The following GPR153 variants were observed in gnomAD, a reference collection of about 807,000 sequenced individuals.
The protein encoded by GPR153 is probable G protein-coupled receptor 153.
A neutral mutation model predicts 34.1 loss-of-function variants in GPR153; 27 were observed. That is an observed-to-expected ratio of 0.79 (90% CI 0.58 to 1.09). The LOEUF is 1.09. Among genes scored for constraint, GPR153 ranks in the 50% least tolerant of loss-of-function variants. The pLI is 0.00. For synonymous variants in GPR153, 408 were observed against 405.4 expected (o/e 1.01, Z -0.08); for missense variants, 848 against 860.2 (o/e 0.99, Z 0.18).
Position 6,253,740 on chromosome 1 carries a change from C to A in GPR153, c.764G>T (p.Cys255Phe). 1 of 1,524,740 alleles carries A rather than the reference C, an allele frequency of 6.6e-7. No individual in the cohort carries two copies. Among genetic ancestry groups the A allele is most frequent in the Non-Finnish European group, 8.8e-7 (1 of 1,136,018 alleles). 94.5% of individuals were successfully genotyped at this position (1,524,740 alleles called of 1,614,324 possible). A position where few individuals can be genotyped will look rare whatever the true frequency, so the allele number is the denominator to read the frequency against. ...LVTTIVFIYD[C>F]LMGFPVLVVS... ...CACCAGCACAGGGAAGCCCATGAGGCAGTCGTAGATGAAGACTATGGTGGT... is the reference window on the plus strand; with the variant it reads ...CACCAGCACAGGGAAGCCCATGAGGAAGTCGTAGATGAAGACTATGGTGGT... Residue 255 changes from cysteine to phenylalanine, a missense_variant, in exon 3 of 6, where the codon TGC becomes TTC. By Grantham distance (205) the Cys-to-Phe change is radical. Transcript: ENST00000377893.
rs1258974696 is a variant in GPR153, at chr1:6,249,320, G to A, written c.*18C>T. The A allele has an allele frequency of 1.6e-6, 2 of 1,264,944 alleles. No homozygotes were observed. The highest frequency in any genetic ancestry group is 2.0e-6 in the Non-Finnish European group (2 of 1,005,904). The allele number at this position is 1,264,944 out of a possible 1,614,324, so 78.4% of individuals were successfully genotyped here. On this transcript the variant is annotated 3_prime_UTR_variant, in exon 6 of 6. Coordinates refer to ENST00000377893, the MANE Select transcript of GPR153 (RefSeq NM_207370.4). This position sits in a 1 kb window ranked among gnomAD's most constrained non-coding sequence, Gnocchi z 4.3. ...GCGGCCTGGCCTGCCTGGCGTCCGT[G>A]GGGAGGCGCCGGCGGTCCTAGGACG...
rs1003825293 is a variant in GPR153, at chr1:6,249,007, T to A, written c.*331A>T. On this transcript the variant is annotated 3_prime_UTR_variant, in exon 6 of 6. Transcript: ENST00000377893. The surrounding 1 kb of genome is among the most constrained non-coding windows in gnomAD (Gnocchi z 4.3). ...TGTCTCAGGTTCCCTGCTCCCGACG[T>A]CCTGTTGCGCAGGGCTGGTGATGGC... The A allele has an allele frequency of 4.4e-6, 1 of 226,212 alleles. No homozygotes were observed. Among genetic ancestry groups the A allele is most frequent in the African/African-American group, 2.3e-5 (1 of 44,032 alleles). The allele number at this position is 226,212 out of a possible 1,614,324, so 14.0% of individuals were successfully genotyped here. A position where few individuals can be genotyped will look rare whatever the true frequency, so the allele number is the denominator to read the frequency against.
Position 6,249,580 on chromosome 1 carries a change from C to G in GPR153, c.1588G>C (p.Asp530His). The G allele has an allele frequency of 2.6e-6, 3 of 1,169,254 alleles. No homozygotes were observed. Among genetic ancestry groups the G allele is most frequent in the Non-Finnish European group, 3.2e-6 (3 of 948,152 alleles). 72.4% of individuals were successfully genotyped at this position (1,169,254 alleles called of 1,614,324 possible). Residue 530 changes from aspartate (D) to histidine (H), a missense_variant, in exon 6 of 6, where the codon GAC becomes CAC. Asp to His is a moderately conservative substitution (Grantham distance 81, BLOSUM62 -1). Transcript: ENST00000377893. This position sits in a 1 kb window ranked among gnomAD's most constrained non-coding sequence, Gnocchi z 4.3. The part of the protein sequence containing the change: ...GPFPAAPAAP[D>H]GADPGEAPTP... ...GGGGCCTCTCCGGGATCTGCGCCGT[C>G]GGGGGCGGCGGGCGCAGCGGGGAAG...
Position 6,253,838 on chromosome 1 carries a change from C to A in GPR153, c.666G>T (p.Ala222=). 1.9e-6 allele frequency: 3 copies of A among 1,601,264 alleles called. No homozygotes were observed. The highest frequency in any genetic ancestry group is 2.6e-6 in the Non-Finnish European group (3 of 1,171,654). Residue 222 remains alanine (A), a synonymous_variant, in exon 3 of 6, where the codon GCG becomes GCT. Transcript: ENST00000377893. The stretch of plus-strand genomic sequence containing the variant: ...CGATGGAGGAGCGCCGCTTGCCCTG[C>A]GCGTCCTCCACCACGATGGTGGGCA... ...FTVPTIVVED[A]QGKRRSSIDG...
intron 1 of GPR153, 90 bp from the exon 2 acceptor site, chr1:6,255,104 G>A (rs1483986341): frequency 2.8e-5 from 13 of 462,998 alleles, no homozygotes; most frequent in Admixed American, 2.3e-4. Flanking sequence ...GATGGCGAGC[G>A]CTACACTTTG....
At chr1:6,260,388 C>CG (rs1445908544) in intron 1 of GPR153, among the ~76,000 whole-genome samples, 2,242 of 143,142 alleles carry the variant, frequency 0.016, 136 homozygotes, top group African/African-American at 0.045. Flanking sequence ...CCCCCCCCCC[C>CG]CCGCAATCCC....
At position 6,249,445 on chromosome 1, in the gene GPR153, GCC is replaced by G; in HGVS notation, c.1721_1722del (p.Gly574AlafsTer131). ...GLSASWGEPGGLRAAGGGGST... is the reference protein window; with the variant it reads ...GLSASWGEPGXLRAAGGGGST... ...CTGCCGCCGCCGCCCGCCGCGCGCA[GCC>G]CCCCGGGCTCGCCCCACGACGCGCT... On this transcript the variant is annotated frameshift_variant, in exon 6 of 6. Coordinates refer to ENST00000377893, the MANE Select transcript of GPR153 (RefSeq NM_207370.4). LOFTEE classifies it high-confidence loss of function. This position sits in a 1 kb window ranked among gnomAD's most constrained non-coding sequence, Gnocchi z 4.3. 1 of 1,356,496 alleles carries G rather than the reference GCC, an allele frequency of 7.4e-7. No homozygotes were observed. The highest frequency in any genetic ancestry group is 9.4e-7 in the Non-Finnish European group (1 of 1,059,184). 84.0% of individuals were successfully genotyped at this position (1,356,496 alleles called of 1,614,324 possible). A position where few individuals can be genotyped will look rare whatever the true frequency, so the allele number is the denominator to read the frequency against.
In GPR153 at chr1:6,251,385, C is replaced by G; in HGVS notation, c.932G>C (p.Arg311Pro). The change falls in exon 4 of 6, where the codon CGG becomes CCG. Residue 311 changes from arginine to proline, a missense_variant. Arg to Pro is a moderately radical substitution (Grantham distance 103, BLOSUM62 -2). Coordinates refer to ENST00000377893, the MANE Select transcript of GPR153 (RefSeq NM_207370.4). This position sits in a 1 kb window ranked among gnomAD's most constrained non-coding sequence, Gnocchi z 4.9. ...GGCCATGAGGGCCATGCACTTCTCC[C>G]GGACAGCTTTGAGGTCAGCCCGGTA... ...DRYRADLKAV[R>P]EKCMALMAND... is the part of the protein sequence containing the mutation. 1.9e-6 allele frequency: 3 copies of G among 1,613,294 alleles called. No homozygotes were observed. The highest frequency in any genetic ancestry group is 2.5e-6 in the Non-Finnish European group (3 of 1,179,724).
At chr1:6,260,390 C>G (rs5027274) in intron 1 of GPR153, among the ~76,000 whole-genome samples, 2 of 131,566 alleles carry the variant, frequency 1.5e-5, no homozygotes, top group Non-Finnish European at 3.0e-5. Context: ...CCCCCCCCCC[C>G]GCAATCCCCG....
rs957828993 is a variant in GPR153 at position 6,251,617 on chromosome 1, G to A, written c.787-87C>T. On this transcript the variant is annotated intron_variant, in intron 3 of 5. Coordinates refer to ENST00000377893, the MANE Select transcript of GPR153 (RefSeq NM_207370.4). This position sits in a 1 kb window ranked among gnomAD's most constrained non-coding sequence, Gnocchi z 4.9. ...TGAGTCTCGGTCTCCCCATGTGTACGGCAGGTCTGACAGGTGGGTATCTGC... is the reference window on the plus strand; with the variant it reads ...TGAGTCTCGGTCTCCCCATGTGTACAGCAGGTCTGACAGGTGGGTATCTGC... 1.2e-5 allele frequency: 17 copies of A among 1,375,262 alleles called. No individual in the cohort carries two copies. Among genetic ancestry groups the A allele is most frequent in the Admixed American group, 2.6e-5 (1 of 38,732 alleles). The allele number at this position is 1,375,262 out of a possible 1,614,324, so 85.2% of individuals were successfully genotyped here.
In GPR153 at chr1:6,248,823, G is replaced by C. The variant is rs1376077599; in HGVS notation, c.*515C>G. The C allele has an allele frequency of 6.6e-6, 1 of 152,588 alleles. No individual in the cohort carries two copies. The highest frequency in any genetic ancestry group is 2.1e-4 in the South Asian group (1 of 4,832). 9.5% of individuals were successfully genotyped at this position (152,588 alleles called of 1,614,324 possible). ...AGGGAAACCTGATCAAAGCTTGTTC[G>C]GGCTCTGAACACCCCTGTGCTTAGA... On this transcript the variant is annotated 3_prime_UTR_variant, in exon 6 of 6. Coordinates refer to ENST00000377893, the MANE Select transcript of GPR153 (RefSeq NM_207370.4).
intron 1 of GPR153, among the ~76,000 whole-genome samples, chr1:6,257,177 C>T (rs890915401): frequency 6.6e-6 from 1 of 152,226 alleles, no homozygotes; most frequent in South Asian, 2.1e-4. Context: ...ATCAAATGTT[C>T]CAGAATCCTC....
chr1:6,252,960 G>A (rs1260475101), intron 3 of GPR153, among the ~76,000 whole-genome samples: 1 of 152,164 alleles, frequency 6.6e-6, no homozygotes, highest in Non-Finnish European at 1.5e-5. Flanking sequence ...ACAGACATTT[G>A]AGGCCCGCCC....
chr1:6,249,837 G>A lies in GPR153; in HGVS notation c.1331C>T (p.Ala444Val), dbSNP rs770491601. ...ERRRASLLAF[A>V]EDAPPSRARR... ...CGCGCGGGACGGTGGTGCGTCCTCC[G>A]CGAAGGCCAGGAGGCTGGCGCGGCG... Residue 444 changes from alanine (A) to valine (V), a missense_variant, in exon 6 of 6, where the codon GCG (alanine) becomes GTG (valine). Physicochemically the swap from Ala to Val is moderately conservative, Grantham distance 64. Transcript: ENST00000377893. The surrounding 1 kb of genome is among the most constrained non-coding windows in gnomAD (Gnocchi z 4.3). 114 of 1,236,368 alleles carry A rather than the reference G, an allele frequency of 9.2e-5. No homozygotes were observed. The Middle Eastern group carries it at 1.3e-3, about 14-fold the overall frequency. 76.6% of individuals were successfully genotyped at this position (1,236,368 alleles called of 1,614,324 possible). A position where few individuals can be genotyped will look rare whatever the true frequency, so the allele number is the denominator to read the frequency against.
intron 1 of GPR153, among the ~76,000 whole-genome samples, chr1:6,260,585 A>C (rs1254743282): frequency 2.0e-5 from 3 of 151,674 alleles, no homozygotes; most frequent in African/African-American, 7.3e-5. Flanking sequence ...CCGTCCCCTG[A>C]GAAGCCCAGG....
intron 1 of GPR153, among the ~76,000 whole-genome samples, chr1:6,259,698 G>A (rs1468459062): frequency 6.6e-6 from 1 of 152,148 alleles, no homozygotes; most frequent in Non-Finnish European, 1.5e-5. Context: ...CGTCCTGGGG[G>A]ACAGGGCGTG....
chr1:6,258,406 G>A (rs2100994056), intron 1 of GPR153, among the ~76,000 whole-genome samples: 1 of 152,376 alleles, frequency 6.6e-6, no homozygotes, highest in African/African-American at 2.4e-5. Flanking sequence ...TGGGATTACA[G>A]GCATGAGCCA....
At position 6,250,267 on chromosome 1, in the gene GPR153, G is replaced by C. The variant is rs973536499; in HGVS notation, c.1164+173C>G. Reference sequence around the variant, plus strand: ...TGTGACAGGGACCATGGGGGTGGCGGTTGGGGCCCACCCACACAAGCTGTG... The same window carrying C: ...TGTGACAGGGACCATGGGGGTGGCGCTTGGGGCCCACCCACACAAGCTGTG... On this transcript the variant is annotated intron_variant, in intron 5 of 5. Coordinates refer to ENST00000377893, the MANE Select transcript of GPR153 (RefSeq NM_207370.4). 4.2e-5 allele frequency: 41 copies of C among 985,314 alleles called. No individual in the cohort carries two copies. In the Middle Eastern group the frequency reaches 2.1e-3, roughly 50 times the overall value. 61.0% of individuals were successfully genotyped at this position (985,314 alleles called of 1,614,324 possible).
chr1:6,260,977 C>T lies in GPR153; in HGVS notation c.-262G>A, dbSNP rs1464691841. 1.4e-5 allele frequency: 2 copies of T among 146,130 alleles called. No homozygotes were observed. Among genetic ancestry groups the T allele is most frequent in the Non-Finnish European group, 3.0e-5 (2 of 65,740 alleles). 9.1% of individuals were successfully genotyped at this position (146,130 alleles called of 1,614,324 possible). On this transcript the variant is annotated 5_prime_UTR_variant, in exon 1 of 6. Coordinates refer to ENST00000377893, the MANE Select transcript of GPR153 (RefSeq NM_207370.4). ...CGGGCCGGGGCATGCTGGCGGCGGC[C>T]ACCGGCGGCCGGCGCGCTCCGCTAG...
Sources: gnomAD v4.1 joint callset for allele counts (sites outside exome capture counted in the v4.1 genomes callset) on GRCh38, gnomAD v4.1.1 for gene constraint, Gnocchi (gnomAD v3.1) non-coding constraint, MANE v1.5 for transcripts, NCBI Gene and HGNC (gene_info 2026-07-23, HGNC 2026-07-21) for gene names.